The following CCDC195 variants were observed in gnomAD, a reference collection of about 807,000 sequenced individuals.
CCDC195 encodes the protein coiled-coil domain-containing protein 195.
At chr2:224,715,474 C>G (rs1373034174) in intron 1 of CCDC195, among the ~76,000 whole-genome samples, 3 of 152,146 alleles carry the variant, frequency 2.0e-5, no homozygotes, top group Non-Finnish European at 4.4e-5. Context: ...GAATTATGTG[C>G]AGTATTCATT....
intron 1 of CCDC195, among the ~76,000 whole-genome samples, chr2:224,713,796 C>G (rs1689349408): frequency 7.7e-6 from 1 of 130,084 alleles, no homozygotes; most frequent in Non-Finnish European, 1.6e-5. Flanking sequence ...AAATATTTTT[C>G]ACCAGTATTT....
exon 2 of CCDC195, chr2:224,710,172 A>T: frequency 2.5e-6 from 1 of 398,612 alleles, no homozygotes; most frequent in East Asian, 3.6e-5. Flanking sequence ...ACAGCAGATG[A>T]GCAAACTGAT....
chr2:224,704,070 C>G (rs968701311), intron 2 of CCDC195, among the ~76,000 whole-genome samples, 183 bp from the exon 3 acceptor site: 2 of 152,044 alleles, frequency 1.3e-5, no homozygotes, highest in Admixed American at 1.3e-4. Context: ...TTGGAATGAC[C>G]TTTTCATTAA....
intron 2 of CCDC195, among the ~76,000 whole-genome samples, chr2:224,704,318 GAAGAGTA>G (rs1697211961): frequency 6.6e-6 from 1 of 152,340 alleles, no homozygotes; most frequent in South Asian, 2.1e-4. Context: ...CATCATGCCT[GAAGAGTA>G]AAGGGGGTAA....
intron 2 of CCDC195, among the ~76,000 whole-genome samples, chr2:224,704,893 ATT>A (rs904479557): frequency 6.6e-6 from 1 of 152,048 alleles, no homozygotes; most frequent in African/African-American, 2.4e-5. Flanking sequence ...AAATGCTGGG[ATT>A]TCAGGCATGA....
chr2:224,706,432 T>G (rs1268835902), intron 2 of CCDC195, among the ~76,000 whole-genome samples: 1 of 151,438 alleles, frequency 6.6e-6, no homozygotes, highest in Non-Finnish European at 1.5e-5. Context: ...CTTGAACTCT[T>G]GGCCTCAGGT....
chr2:224,705,853 G>A (rs940035829), intron 2 of CCDC195, among the ~76,000 whole-genome samples: 4 of 152,098 alleles, frequency 2.6e-5, no homozygotes, highest in African/African-American at 7.2e-5. Flanking sequence ...GAAATGGGTT[G>A]TATTCTAAAT....
At chr2:224,706,189 C>CT (rs201012911) in intron 2 of CCDC195, among the ~76,000 whole-genome samples, 4,561 of 32,982 alleles carry the variant, frequency 0.14, 1,829 homozygotes, top group East Asian at 0.26. Context: ...TATTTTGTAA[C>CT]TTTTTTTTTT....
intron 1 of CCDC195, among the ~76,000 whole-genome samples, chr2:224,712,581 C>T (rs540195125): frequency 6.4e-4 from 97 of 152,176 alleles, no homozygotes; most frequent in Non-Finnish European, 1.2e-3. Flanking sequence ...TCTCCATTCA[C>T]AGAGAGCCTC....
intron 1 of CCDC195, among the ~76,000 whole-genome samples, chr2:224,711,054 G>T (rs1689313674): frequency 6.6e-6 from 1 of 152,208 alleles, no homozygotes; most frequent in African/African-American, 2.4e-5. Flanking sequence ...GATTCTAGAA[G>T]AACAGGCTTA....
At chr2:224,711,270 T>A (rs1377770018) in intron 1 of CCDC195, among the ~76,000 whole-genome samples, 1 of 152,018 alleles carries the variant, frequency 6.6e-6, no homozygotes, top group Non-Finnish European at 1.5e-5. Context: ...TGGAGAGATT[T>A]GTGGCTTTAG....
At chr2:224,710,208 T>A in exon 2 of CCDC195, 1 of 398,490 alleles carries the variant, frequency 2.5e-6, no homozygotes, top group East Asian at 3.6e-5. Context: ...CGTCTAACAA[T>A]CATGACATTG....
At position 224,704,610 on chromosome 2, in the gene CCDC195, C is replaced by CTTTT. The variant is rs55801561; in HGVS notation, c.483-727_483-724dup. Among the ~76,000 whole-genome samples, 947 of 110,550 alleles carry CTTTT rather than the reference C, an allele frequency of 8.6e-3. 1 individual carries two copies. Among genetic ancestry groups the CTTTT allele is most frequent in the East Asian group, 0.014 (51 of 3,558 alleles). 72.5% of individuals were successfully genotyped at this position (110,550 alleles called of 152,430 possible). ...GCACCTTTTTTTTTTCTTTTCTTTT[C>CTTTT]TTTTTTTTTTTTTTTTCTTTTTTTT... On this transcript the variant is annotated intron_variant, in intron 2 of 2. Transcript: ENST00000638102.
chr2:224,704,218 T>A (rs1228073488), intron 2 of CCDC195, among the ~76,000 whole-genome samples: 1 of 152,214 alleles, frequency 6.6e-6, no homozygotes, highest in Non-Finnish European at 1.5e-5. Flanking sequence ...GCGTCAAATC[T>A]TCAGCTCATG....
chr2:224,708,763 A>AT (rs1040514647), intron 2 of CCDC195, among the ~76,000 whole-genome samples: 1 of 151,996 alleles, frequency 6.6e-6, no homozygotes, highest in African/African-American at 2.4e-5. Context: ...CAACAATCAT[A>AT]TTTTTTGCAT....
At chr2:224,703,971 C>T in intron 2 of CCDC195, 84 bp from the exon 3 acceptor site, 1 of 397,002 alleles carries the variant, frequency 2.5e-6, no homozygotes, top group South Asian at 1.3e-4. Flanking sequence ...CCCCAATCAC[C>T]AGATACTACC....
chr2:224,706,889 G>GTGTATA (rs1553548852), intron 2 of CCDC195, among the ~76,000 whole-genome samples: 1 of 141,202 alleles, frequency 7.1e-6, no homozygotes, highest in African/African-American at 2.6e-5. Flanking sequence ...GTGTCTGTGT[G>GTGTATA]TATATATATA....
chr2:224,715,208 G>A (rs191622461), intron 1 of CCDC195, among the ~76,000 whole-genome samples: 44 of 152,228 alleles, frequency 2.9e-4, no homozygotes, highest in Non-Finnish European at 3.7e-4. Flanking sequence ...AATTGGCAGT[G>A]CCTGAAGCTT....
intron 1 of CCDC195, among the ~76,000 whole-genome samples, chr2:224,715,748 G>C (rs1235179540): frequency 6.6e-6 from 1 of 152,156 alleles, no homozygotes; most frequent in Non-Finnish European, 1.5e-5. Context: ...CTTATCTGGT[G>C]TGCAGTACTG....
Sources: gnomAD v4.1 joint callset for allele counts (sites outside exome capture counted in the v4.1 genomes callset) on GRCh38, gnomAD v4.1.1 for gene constraint, MANE v1.5 for transcripts, NCBI Gene and HGNC (gene_info 2026-07-23, HGNC 2026-07-21) for gene names.